ENPP3: variants seen among roughly 807,000 people sequenced by gnomAD.
The protein encoded by ENPP3 is ectonucleotide pyrophosphatase/phosphodiesterase family member 3.
Under a neutral mutation model 117.8 loss-of-function variants are expected in ENPP3, and 104 were observed. The ratio of observed to expected loss-of-function variants is 0.88; its 90% CI spans 0.75 to 1.04. ENPP3 has a LOEUF of 1.04. Ranked by LOEUF, ENPP3 falls within the 50% of genes least tolerant of loss-of-function variation. ENPP3 has a pLI of 0.00. For synonymous variants in ENPP3, 380 were observed against 349.9 expected (o/e 1.09, Z -0.96); for missense variants, 1,026 against 1,051.9 (o/e 0.98, Z 0.34).
chr6:131,746,797 A>G lies in ENPP3; in HGVS notation c.2469A>G (p.Pro823=). 1.9e-6 allele frequency: 3 copies of G among 1,602,952 alleles called. No individual in the cohort carries two copies. The highest frequency in any genetic ancestry group is 2.5e-6 in the Non-Finnish European group (3 of 1,176,712). ...TNVESCPEGK[P]EALWVEERFT... is the part of the protein sequence containing the mutation. Reference sequence around the variant, plus strand: ...CTTTTCTTTTTCAGGAAGGTAAACCAGAAGCTCTTTGGGTTGAAGAAAGAT... The same window carrying G: ...CTTTTCTTTTTCAGGAAGGTAAACCGGAAGCTCTTTGGGTTGAAGAAAGAT... The change falls in exon 25 of 25, where the codon CCA becomes CCG. Residue 823 remains proline (P), a synonymous_variant. Transcript: ENST00000357639.
At chr6:131,694,233 T>C (rs1327346390) in intron 15 of ENPP3, among the ~76,000 whole-genome samples, 1 of 152,228 alleles carries the variant, frequency 6.6e-6, no homozygotes, top group Non-Finnish European at 1.5e-5. Context: ...CCATCTTAAA[T>C]AACCAATTAA....
At position 131,685,428 on chromosome 6, in the gene ENPP3, C is replaced by A; in HGVS notation, c.1185C>A (p.Phe395Leu). ...CTGATTATTTTCCCAGAATAAACTT[C>A]TTCTACATGTACGAAGGGCCTGCCC... ...YMTDYFPRIN[F>L]FYMYEGPAPR... The change falls in exon 13 of 25, where the codon TTC becomes TTA. Residue 395 changes from phenylalanine to leucine, a missense_variant. Phe to Leu is a conservative substitution (Grantham distance 22). Coordinates refer to ENST00000357639, the MANE Select transcript of ENPP3 (RefSeq NM_005021.5). The A allele has an allele frequency of 1.9e-6, 3 of 1,613,434 alleles. No homozygotes were observed. The highest frequency in any genetic ancestry group is 2.5e-6 in the Non-Finnish European group (3 of 1,179,430).
intron 7 of ENPP3, among the ~76,000 whole-genome samples, chr6:131,672,977 T>A (rs1250245624): frequency 6.6e-6 from 1 of 152,114 alleles, no homozygotes; most frequent in Non-Finnish European, 1.5e-5. Flanking sequence ...TAATTCAATT[T>A]AGCCAGGATA....
intron 24 of ENPP3, among the ~76,000 whole-genome samples, chr6:131,742,672 C>T (rs1281851322): frequency 6.6e-6 from 1 of 150,438 alleles, no homozygotes; most frequent in African/African-American, 2.5e-5. Flanking sequence ...TAAGTCTCTT[C>T]ACAATTTACC....
At chr6:131,684,734 G>T (rs1216793201) in intron 12 of ENPP3, among the ~76,000 whole-genome samples, 1 of 151,866 alleles carries the variant, frequency 6.6e-6, no homozygotes, top group East Asian at 1.9e-4. Context: ...AATAAAAAAG[G>T]TTAACTACCA....
At chr6:131,673,279 TG>T (rs1174668694) in intron 7 of ENPP3, among the ~76,000 whole-genome samples, 1 of 152,146 alleles carries the variant, frequency 6.6e-6, no homozygotes, top group Non-Finnish European at 1.5e-5. Flanking sequence ...TGAAAATATT[TG>T]GGTGGAATCA....
At chr6:131,646,844 T>A (rs184635525) in intron 2 of ENPP3, among the ~76,000 whole-genome samples, 1 of 152,086 alleles carries the variant, frequency 6.6e-6, no homozygotes, top group East Asian at 1.9e-4. Context: ...AAAATTCTTT[T>A]TCTGCTTCTA....
chr6:131,697,865 A>G (rs1779443541), intron 15 of ENPP3, among the ~76,000 whole-genome samples: 1 of 152,108 alleles, frequency 6.6e-6, no homozygotes, highest in African/African-American at 2.4e-5. Flanking sequence ...GTCTAGTGTG[A>G]AACAGGGAAG....
intron 7 of ENPP3, among the ~76,000 whole-genome samples, chr6:131,673,038 A>G (rs1164458891): frequency 6.6e-6 from 1 of 152,178 alleles, no homozygotes; most frequent in Non-Finnish European, 1.5e-5. Flanking sequence ...ATTATTGATA[A>G]TATAACCAGT....
intron 11 of ENPP3, among the ~76,000 whole-genome samples, chr6:131,678,521 A>G (rs142125141): frequency 1.4e-4 from 21 of 152,360 alleles, no homozygotes; most frequent in African/African-American, 5.0e-4. Context: ...TTAACAAAAC[A>G]AGCCATTCTG....
chr6:131,664,734 G>C (rs1778580505), intron 6 of ENPP3, among the ~76,000 whole-genome samples: 1 of 152,120 alleles, frequency 6.6e-6, no homozygotes, highest in Non-Finnish European at 1.5e-5. Flanking sequence ...TGTTACAATT[G>C]CTTACAGTAT....
intron 5 of ENPP3, among the ~76,000 whole-genome samples, chr6:131,657,397 A>G (rs1286406912): frequency 6.6e-6 from 1 of 152,136 alleles, no homozygotes; most frequent in African/African-American, 2.4e-5. Flanking sequence ...CCTGTTTTAG[A>G]ATTTTATGTA....
chr6:131,681,065 A>G (rs1779013254), intron 11 of ENPP3, among the ~76,000 whole-genome samples: 2 of 152,192 alleles, frequency 1.3e-5, no homozygotes. Context: ...GGAGTGAATC[A>G]GATGACTATG....
chr6:131,641,635 G>A (rs1778042968), intron 2 of ENPP3, 105 bp downstream of exon 2: 2 of 682,630 alleles, frequency 2.9e-6, no homozygotes, highest in African/African-American at 3.5e-5. Context: ...TGTCCTCCAT[G>A]CAGCATTCTG....
chr6:131,640,509 G>A (rs1562422149), intron 1 of ENPP3, among the ~76,000 whole-genome samples: 2 of 152,074 alleles, frequency 1.3e-5, no homozygotes, highest in Non-Finnish European at 2.9e-5. Flanking sequence ...CATTAGATGT[G>A]TTAATTTTCC....
At chr6:131,743,311 C>T (rs1780568140) in intron 24 of ENPP3, among the ~76,000 whole-genome samples, 1 of 151,864 alleles carries the variant, frequency 6.6e-6, no homozygotes, top group African/African-American at 2.4e-5. Flanking sequence ...AACTTAAATG[C>T]ATGGATTTTG....
intron 21 of ENPP3, among the ~76,000 whole-genome samples, chr6:131,736,213 T>TAAATCCTCAG (rs1397209928): frequency 1.3e-5 from 2 of 152,214 alleles, no homozygotes; most frequent in East Asian, 3.8e-4. Context: ...AGCACAGCCA[T>TAAATCCTCAG]AAATCCTCAG....
intron 16 of ENPP3, among the ~76,000 whole-genome samples, chr6:131,719,539 G>A (rs1779971376): frequency 6.6e-6 from 1 of 152,100 alleles, no homozygotes; most frequent in Non-Finnish European, 1.5e-5. Flanking sequence ...GATCTCTGGA[G>A]AAAGAGCTTT....
chr6:131,703,756 G>T (rs1205095322), intron 15 of ENPP3, among the ~76,000 whole-genome samples: 1 of 151,760 alleles, frequency 6.6e-6, no homozygotes, highest in Non-Finnish European at 1.5e-5. Context: ...GAACTGCCAA[G>T]GAAGGATCTT....
Sources: gnomAD v4.1 joint callset for allele counts (sites outside exome capture counted in the v4.1 genomes callset) on GRCh38, gnomAD v4.1.1 for gene constraint, MANE v1.5 for transcripts, NCBI Gene and HGNC (gene_info 2026-07-23, HGNC 2026-07-21) for gene names.